Variants in CDH12 observed in about 807,000 individuals in gnomAD.
CDH12 encodes cadherin 12, also known as cadherin-12.
Under a neutral mutation model 74.1 loss-of-function variants are expected in CDH12, and 41 were observed. The ratio of observed to expected loss-of-function variants is 0.55; its 90% CI spans 0.43 to 0.72. CDH12 has a LOEUF of 0.72. Ranked by LOEUF, CDH12 falls within the 30% of genes least tolerant of loss-of-function variation. The pLI, the probability that CDH12 is intolerant of heterozygous loss-of-function variation, is 0.00. For missense variants in CDH12, 945 were observed against 977.2 expected, an observed-to-expected ratio of 0.97 and a Z score of 0.44; for synonymous variants, 399 against 355.0, an observed-to-expected ratio of 1.12 and a Z score of -1.39.
chr5:22,629,166 G>C (rs899902212), intron 1 of CDH12, among the ~76,000 whole-genome samples: 5 of 151,962 alleles, frequency 3.3e-5, no homozygotes, highest in Non-Finnish European at 5.9e-5. Context: ...GGTTATTCCA[G>C]ACATATAAAA....
intron 6 of CDH12, among the ~76,000 whole-genome samples, chr5:21,962,841 T>C (rs1281621100): frequency 6.6e-6 from 1 of 152,168 alleles, no homozygotes; most frequent in Non-Finnish European, 1.5e-5. Context: ...CTGTGGCTAG[T>C]CAGTAACCCA....
chr5:22,762,232 A>G (rs1746264823), intron 1 of CDH12, among the ~76,000 whole-genome samples: 1 of 152,066 alleles, frequency 6.6e-6, no homozygotes. Flanking sequence ...ATACATAAAG[A>G]AAATCAATAA....
intron 1 of CDH12, among the ~76,000 whole-genome samples, chr5:22,707,350 T>C (rs1446935637): frequency 6.6e-6 from 1 of 152,202 alleles, no homozygotes; most frequent in Admixed American, 6.6e-5. Context: ...GAAGGAAATG[T>C]CTTCTATATT....
At chr5:21,876,663 T>C (rs988212998) in intron 6 of CDH12, among the ~76,000 whole-genome samples, 1 of 152,230 alleles carries the variant, frequency 6.6e-6, no homozygotes, top group Non-Finnish European at 1.5e-5. Context: ...AGTCCAAATG[T>C]TGCTTGTCTT....
chr5:22,462,773 G>A (rs1745572813), intron 2 of CDH12, among the ~76,000 whole-genome samples: 1 of 152,162 alleles, frequency 6.6e-6, no homozygotes, highest in Non-Finnish European at 1.5e-5. Flanking sequence ...TAAACCTCTA[G>A]TGAAAGTCAG....
chr5:21,913,907 C>T (rs369473566), intron 6 of CDH12, among the ~76,000 whole-genome samples: 14 of 152,090 alleles, frequency 9.2e-5, no homozygotes, highest in African/African-American at 3.4e-4. Flanking sequence ...TGGTCTCAAA[C>T]TCCTGGGCCC....
chr5:22,704,403 C>T (rs1742874391), intron 1 of CDH12, among the ~76,000 whole-genome samples: 1 of 151,982 alleles, frequency 6.6e-6, no homozygotes, highest in Non-Finnish European at 1.5e-5. Context: ...TATTTGCAAT[C>T]AAATTTTTTT....
intron 3 of CDH12, among the ~76,000 whole-genome samples, chr5:22,376,667 C>T (rs1232971723): frequency 6.7e-6 from 1 of 148,634 alleles, no homozygotes; most frequent in Non-Finnish European, 1.5e-5. Context: ...CAGGCATGTG[C>T]CACTATGGTT....
intron 3 of CDH12, among the ~76,000 whole-genome samples, chr5:22,400,103 TC>T (rs1311017200): frequency 3.9e-5 from 6 of 152,126 alleles, no homozygotes; most frequent in African/African-American, 1.4e-4. Flanking sequence ...AACATATACT[TC>T]CCCCCTTTCT....
At position 22,105,726 on chromosome 5, in the gene CDH12, G is replaced by GTAAAA. The variant is rs879883656; in HGVS notation, c.-186-26869_-186-26865dup. 5.8e-3 allele frequency among the ~76,000 whole-genome samples: 852 copies of GTAAAA among 147,416 alleles called. 5 individuals carry two copies. The highest frequency in any genetic ancestry group is 0.021 in the Middle Eastern group (6 of 288). On this transcript the variant is annotated intron_variant, in intron 4 of 14. Transcript: ENST00000382254. ...ATAAAATAAAATAAAATAAAATAAA[G>GTAAAA]TAAAATAAAATAAAATAAAATAAAA...
Position 22,489,642 on chromosome 5 carries a change from A to G in CDH12, c.-428+15628T>C, listed in dbSNP as rs545543174. ...GCTGCAATTTTATAGCTGTAAATGT[A>G]AAGACTGAAGATTTTAAAACTGCTT... On this transcript the variant is annotated intron_variant, in intron 2 of 14. Transcript: ENST00000382254. 5.9e-5 allele frequency among the ~76,000 whole-genome samples: 9 copies of G among 152,110 alleles called. No individual in the cohort carries two copies. In the East Asian group the frequency reaches 1.4e-3, roughly 23 times the overall value.
chr5:22,622,774 C>G (rs897249108), intron 1 of CDH12, among the ~76,000 whole-genome samples: 1 of 152,166 alleles, frequency 6.6e-6, no homozygotes, highest in African/African-American at 2.4e-5. Context: ...CCCTCTGAAA[C>G]TATTCCGATC....
chr5:22,774,285 C>G (rs2356284), intron 1 of CDH12, among the ~76,000 whole-genome samples: 72,233 of 152,022 alleles, frequency 0.48, 17,304 homozygotes, highest in East Asian at 0.55. Context: ...CCATGGAATA[C>G]TATGCAGCCA....
intron 12 of CDH12, among the ~76,000 whole-genome samples, chr5:21,764,664 A>AAAAAG (rs1744915260): frequency 6.6e-6 from 1 of 150,852 alleles, no homozygotes; most frequent in South Asian, 2.1e-4. Context: ...AAAAAAAAAA[A>AAAAAG]AAAAGAAAAG....
rs527835019 is a variant in CDH12, at chr5:22,179,129, T to G, written c.-187+33369A>C. 3.3e-5 allele frequency among the ~76,000 whole-genome samples: 5 copies of G among 152,318 alleles called. No homozygotes were observed. The South Asian group carries it at 1.0e-3, about 32-fold the overall frequency. ...TGGCACATAATAGGCAGTTAATAAA[T>G]AGCAGTGAGGAGACTCCTGGTAAAC... is the stretch of plus-strand genomic sequence containing the variant. On this transcript the variant is annotated intron_variant, in intron 4 of 14. Transcript: ENST00000382254.
At chr5:22,216,603 C>T (rs1436425502) in intron 3 of CDH12, among the ~76,000 whole-genome samples, 1 of 151,864 alleles carries the variant, frequency 6.6e-6, no homozygotes, top group Non-Finnish European at 1.5e-5. Flanking sequence ...CTAATACTAT[C>T]ACACAGAGGT....
chr5:21,976,950 A>T (rs951490189), intron 5 of CDH12, among the ~76,000 whole-genome samples: 2 of 152,214 alleles, frequency 1.3e-5, no homozygotes, highest in East Asian at 3.9e-4. Context: ...TACAAGTTCA[A>T]CTGTAGCTAC....
chr5:22,761,142 C>T (rs1746206551), intron 1 of CDH12, among the ~76,000 whole-genome samples: 1 of 152,162 alleles, frequency 6.6e-6, no homozygotes, highest in African/African-American at 2.4e-5. Flanking sequence ...AGATGCCTGA[C>T]TTGTCACTTG....
At chr5:22,691,518 A>G (rs1023276995) in intron 1 of CDH12, among the ~76,000 whole-genome samples, 1 of 152,208 alleles carries the variant, frequency 6.6e-6, no homozygotes, top group African/African-American at 2.4e-5. Flanking sequence ...AGGTTTGAGT[A>G]TACAGAAAAC....
Sources: allele counts gnomAD v4.1 joint callset (sites outside exome capture counted in the v4.1 genomes callset), GRCh38; gene constraint gnomAD v4.1.1; transcripts MANE v1.5; gene names NCBI Gene and HGNC (gene_info 2026-07-23, HGNC 2026-07-21).